Variants in ZFHX4 observed in about 807,000 individuals in gnomAD.
The protein encoded by ZFHX4 is zinc finger homeobox protein 4.
In ZFHX4, 56 loss-of-function variants were observed where a neutral mutation model predicts 267.6. That is an observed-to-expected ratio of 0.21 (90% confidence interval 0.17 to 0.26). The LOEUF (loss-of-function observed/expected upper bound fraction) is 0.26, where lower values mean the gene tolerates loss of function less well. Among genes scored for constraint, ZFHX4 ranks in the 10% least tolerant of loss-of-function variants. The pLI is 1.00. For synonymous variants in ZFHX4, 1,778 were observed against 1,665.6 expected, an observed-to-expected ratio of 1.07 and a Z score of -1.64; for missense variants, 4,332 against 4,420.0, an observed-to-expected ratio of 0.98 and a Z score of 0.56.
chr8:76,823,130 CTTT>C (rs201717109), intron 4 of ZFHX4, among the ~76,000 whole-genome samples: 5,517 of 136,184 alleles, frequency 0.041, 147 homozygotes, highest in African/African-American at 0.084. Context: ...ATAGTGTCTC[CTTT>C]TTTTTTTTTT....
intron 5 of ZFHX4, among the ~76,000 whole-genome samples, chr8:76,833,831 A>G (rs1447403018): frequency 1.3e-5 from 2 of 152,268 alleles, no homozygotes; most frequent in African/African-American, 4.8e-5. Context: ...ATCCATCGTT[A>G]TAATATCATA....
At chr8:76,817,923 T>C (rs1016090743) in intron 4 of ZFHX4, among the ~76,000 whole-genome samples, 4 of 152,186 alleles carry the variant, frequency 2.6e-5, no homozygotes, top group Admixed American at 2.6e-4. Flanking sequence ...CCATTATTGG[T>C]TGTAGAAATC....
Position 76,851,313 on chromosome 8 carries a change from C to A in ZFHX4, c.4392C>A (p.Pro1464=). 3 of 1,613,668 alleles carry A rather than the reference C, an allele frequency of 1.9e-6. No individual in the cohort carries two copies. The highest frequency in any genetic ancestry group is 2.5e-6 in the Non-Finnish European group (3 of 1,179,788). The change falls in exon 10 of 11, where the codon CCC becomes CCA. Residue 1464 remains proline, a synonymous_variant. Coordinates refer to ENST00000651372, the MANE Select transcript of ZFHX4 (RefSeq NM_024721.5). ...TTCAACAGCTATATGCCTCCTTGCC[C>A]GTGAATGGAGAACTGTGGGCAGAGA... is the stretch of plus-strand genomic sequence containing the variant. ...AELQQLYASL[P]VNGELWAESE... is the part of the protein sequence containing the mutation.
chr8:76,801,600 T>C (rs1811119085), intron 4 of ZFHX4, among the ~76,000 whole-genome samples: 1 of 152,192 alleles, frequency 6.6e-6, no homozygotes, highest in Non-Finnish European at 1.5e-5. Flanking sequence ...AAGAATTCCA[T>C]ATGGGCCAGC....
chr8:76,811,704 A>G (rs533377609), intron 4 of ZFHX4, among the ~76,000 whole-genome samples: 9 of 152,352 alleles, frequency 5.9e-5, no homozygotes, highest in East Asian at 3.9e-4. Flanking sequence ...ATTACTCCAG[A>G]TAAACATACA....
At chr8:76,767,044 GGTGTGTGTGT>G (rs34640815) in intron 3 of ZFHX4, among the ~76,000 whole-genome samples, 5 of 146,832 alleles carry the variant, frequency 3.4e-5, no homozygotes, top group African/African-American at 1.2e-4. Context: ...CTCATAAAGG[GGTGTGTGTGT>G]GTGTGTGTGT....
chr8:76,834,240 T>G (rs887449778), intron 5 of ZFHX4: 6 of 353,218 alleles, frequency 1.7e-5, no homozygotes, highest in Non-Finnish European at 3.4e-5. Flanking sequence ...CAACTCCCTT[T>G]GATAAATGCC....
At chr8:76,794,912 G>T (rs1449374472) in intron 4 of ZFHX4, among the ~76,000 whole-genome samples, 13 of 136,676 alleles carry the variant, frequency 9.5e-5, no homozygotes, top group Non-Finnish European at 4.7e-5. Flanking sequence ...TGTGTGTGTG[G>T]ACAAATCAAG....
chr8:76,789,581 C>G (rs1585946769), intron 4 of ZFHX4, among the ~76,000 whole-genome samples: 1 of 152,118 alleles, frequency 6.6e-6, no homozygotes, highest in South Asian at 2.1e-4. Flanking sequence ...ATTTCAGGAT[C>G]AACACAGATC....
chr8:76,744,148 C>T (rs989380817), intron 3 of ZFHX4, among the ~76,000 whole-genome samples: 13 of 151,992 alleles, frequency 8.6e-5, no homozygotes, highest in Non-Finnish European at 4.4e-5. Context: ...GAGTTCGAGA[C>T]CAGCCTGACC....
intron 3 of ZFHX4, among the ~76,000 whole-genome samples, chr8:76,708,724 T>TGTACTGAATACGTGCAAGTGATGAACACC (rs1808345694): frequency 6.6e-6 from 1 of 152,224 alleles, no homozygotes; most frequent in African/African-American, 2.4e-5. Flanking sequence ...ACTGTGCACA[T>TGTACTGAATACGTGCAAGTGATGAACACC]GTACTGAATA....
chr8:76,787,869 G>A (rs191525334), intron 4 of ZFHX4, among the ~76,000 whole-genome samples: 2 of 151,864 alleles, frequency 1.3e-5, no homozygotes, highest in Admixed American at 6.6e-5. Context: ...GGAAAAGATA[G>A]TTAATGATTA....
chr8:76,695,265 G>GT (rs932951962), intron 1 of ZFHX4, among the ~76,000 whole-genome samples: 6 of 152,182 alleles, frequency 3.9e-5, no homozygotes, highest in Non-Finnish European at 8.8e-5. Flanking sequence ...TTTCAAAACT[G>GT]AAGTCATAGG....
intron 4 of ZFHX4, among the ~76,000 whole-genome samples, chr8:76,783,794 C>T (rs1164758819): frequency 2.0e-5 from 3 of 152,030 alleles, no homozygotes; most frequent in Non-Finnish European, 2.9e-5. Context: ...TCTTCTCTAA[C>T]CCGGTTCAAA....
intron 3 of ZFHX4, among the ~76,000 whole-genome samples, chr8:76,773,815 T>C (rs1231185881): frequency 6.6e-6 from 1 of 152,174 alleles, no homozygotes; most frequent in Admixed American, 6.6e-5. Context: ...AGAAATGGCA[T>C]TGAGAACTTT....
At chr8:76,833,273 A>T in intron 4 of ZFHX4, 65 bp from the exon 5 acceptor site, 3 of 1,439,600 alleles carry the variant, frequency 2.1e-6, no homozygotes, top group Non-Finnish European at 2.9e-6. Flanking sequence ...TTCTTGTAAT[A>T]TTAGCCATGA....
chr8:76,817,371 AT>A (rs559018505), intron 4 of ZFHX4, among the ~76,000 whole-genome samples: 86 of 151,656 alleles, frequency 5.7e-4, no homozygotes, highest in Admixed American at 1.2e-3. Context: ...TCCTTTGAAG[AT>A]TTTTTTTTGT....
At chr8:76,746,910 T>G (rs1809474364) in intron 3 of ZFHX4, among the ~76,000 whole-genome samples, 1 of 152,228 alleles carries the variant, frequency 6.6e-6, no homozygotes, top group Non-Finnish European at 1.5e-5. Flanking sequence ...ACTAATGGAT[T>G]CTTTCAGTTA....
chr8:76,738,891 T>C (rs1370606360), intron 3 of ZFHX4, among the ~76,000 whole-genome samples: 1 of 151,964 alleles, frequency 6.6e-6, no homozygotes, highest in Non-Finnish European at 1.5e-5. Flanking sequence ...ATTTTTGTAT[T>C]TTTGGTAGAG....
Sources: gnomAD v4.1 joint callset for allele counts (sites outside exome capture counted in the v4.1 genomes callset) on GRCh38, gnomAD v4.1.1 for gene constraint, MANE v1.5 for transcripts, NCBI Gene and HGNC (gene_info 2026-07-23, HGNC 2026-07-21) for gene names.